ENTHD1: variants seen among roughly 807,000 people sequenced by gnomAD.
ENTHD1 encodes the protein ENTH domain containing 1.
A neutral mutation model predicts 39.1 loss-of-function variants in ENTHD1; 23 were observed. The observed-to-expected ratio is 0.59, with a 90% CI of 0.42 to 0.83. The LOEUF (loss-of-function observed/expected upper bound fraction) is 0.83, where lower values mean the gene tolerates loss of function less well. Ranked by LOEUF, ENTHD1 falls within the 40% of genes least tolerant of loss-of-function variation. ENTHD1 has a pLI of 0.00. For missense variants in ENTHD1, 624 were observed against 705.4 expected (o/e 0.88, Z 1.31); for synonymous variants, 230 against 258.2 (o/e 0.89, Z 1.05).
chr22:39,784,119 C>T lies in ENTHD1; in HGVS notation c.833-18510G>A, dbSNP rs544333839. The stretch of plus-strand genomic sequence containing the variant: ...AACATTTCTCAAAAGAAGACAGACA[C>T]ATGGCCAACAGGTATATGAAAAAAA... On this transcript the variant is annotated intron_variant, in intron 5 of 6. Transcript: ENST00000325157. 2.6e-4 allele frequency among the ~76,000 whole-genome samples: 40 copies of T among 151,468 alleles called. 1 individual carries two copies. Among genetic ancestry groups the T allele is most frequent in the Middle Eastern group, 6.8e-3 (2 of 294 alleles).
chr22:39,788,458 A>G (rs1299731100), intron 5 of ENTHD1, among the ~76,000 whole-genome samples: 3 of 152,222 alleles, frequency 2.0e-5, no homozygotes, highest in African/African-American at 7.2e-5. Context: ...CTCATGATCA[A>G]ACTTGAACGA....
chr22:39,855,589 TAAA>T (rs111260316), intron 3 of ENTHD1, among the ~76,000 whole-genome samples: 1 of 136,396 alleles, frequency 7.3e-6, no homozygotes, highest in Middle Eastern at 3.8e-3. Flanking sequence ...TGTGACTTGT[TAAA>T]AAAAAAAAAA....
At chr22:39,888,612 G>A (rs140793377) in intron 1 of ENTHD1, among the ~76,000 whole-genome samples, 1 of 152,120 alleles carries the variant, frequency 6.6e-6, no homozygotes, top group Non-Finnish European at 1.5e-5. Context: ...ATTTTTAGTA[G>A]AGACGGGGTT....
intron 4 of ENTHD1, among the ~76,000 whole-genome samples, chr22:39,824,201 CTTTTTTTTTTTTTTTT>C (rs71197195): frequency 1.4e-5 from 1 of 71,414 alleles, no homozygotes; most frequent in African/African-American, 5.5e-5. Context: ...TTGTCCAGTT[CTTTTTTTTTTTTTTTT>C]TTTTTTTTTT....
At chr22:39,764,584 T>C (rs1180724256) in intron 6 of ENTHD1, among the ~76,000 whole-genome samples, 1 of 152,044 alleles carries the variant, frequency 6.6e-6, no homozygotes, top group East Asian at 1.9e-4. Context: ...ATTATTATTT[T>C]ACTAGTAAAC....
At chr22:39,849,083 C>T (rs1359061445) in intron 3 of ENTHD1, among the ~76,000 whole-genome samples, 2 of 152,088 alleles carry the variant, frequency 1.3e-5, no homozygotes, top group Non-Finnish European at 2.9e-5. Flanking sequence ...TGCATCCATA[C>T]CACAGTGTCA....
At chr22:39,875,411 C>T in intron 2 of ENTHD1, 2 of 1,479,436 alleles carry the variant, frequency 1.4e-6, no homozygotes, top group Non-Finnish European at 1.8e-6. Context: ...CCCGGAGCAG[C>T]CTGTGTTGGA....
intron 5 of ENTHD1, among the ~76,000 whole-genome samples, chr22:39,777,076 C>T (rs941054257): frequency 3.3e-5 from 5 of 152,118 alleles, no homozygotes; most frequent in African/African-American, 1.2e-4. Context: ...CAAAATATGT[C>T]TTTCTGTAGT....
intron 6 of ENTHD1, chr22:39,750,191 C>G (rs993566027): frequency 9.7e-6 from 2 of 206,928 alleles, no homozygotes; most frequent in African/African-American, 4.7e-5. Context: ...TATGGATCAA[C>G]TAGGAATACT....
chr22:39,757,041 T>C (rs987814552), intron 6 of ENTHD1, among the ~76,000 whole-genome samples: 2 of 151,106 alleles, frequency 1.3e-5, no homozygotes, highest in Admixed American at 6.6e-5. Flanking sequence ...CTTCTGGGAC[T>C]GCATTGAATC....
At chr22:39,774,025 A>G (rs1199554803) in intron 5 of ENTHD1, among the ~76,000 whole-genome samples, 1 of 152,240 alleles carries the variant, frequency 6.6e-6, no homozygotes, top group Non-Finnish European at 1.5e-5. Flanking sequence ...ACGAGTGCAC[A>G]GTGCACACAG....
chr22:39,743,781 AT>A lies in ENTHD1; in HGVS notation c.1721del (p.Asn574MetfsTer7). 1 of 1,614,198 alleles carries A rather than the reference AT, an allele frequency of 6.2e-7. No individual in the cohort carries two copies. Among genetic ancestry groups the A allele is most frequent in the African/African-American group, 1.3e-5 (1 of 75,064 alleles). On this transcript the variant is annotated frameshift_variant, in exon 7 of 7. Transcript: ENST00000325157. LOFTEE classifies it low-confidence loss of function (END_TRUNC). ...TGCTCATCAAGATGTTATTGATGAC[AT>A]TAAGTTCTTGGATCACTGTGCTCAG... is the stretch of plus-strand genomic sequence containing the variant. ...EDLSTVIQEL[N>X]VINNILMSMS...
chr22:39,877,065 T>C (rs1248047900), intron 2 of ENTHD1, among the ~76,000 whole-genome samples: 1 of 152,200 alleles, frequency 6.6e-6, no homozygotes, highest in Non-Finnish European at 1.5e-5. Flanking sequence ...GTTAACGAGA[T>C]TCAGGACGAT....
chr22:39,772,617 A>G (rs551497859), intron 5 of ENTHD1, among the ~76,000 whole-genome samples: 11 of 152,344 alleles, frequency 7.2e-5, no homozygotes, highest in Middle Eastern at 6.8e-3. Context: ...ACAAGGAGAA[A>G]GTAATAGAAA....
rs2066388579 is a variant in ENTHD1, at chr22:39,887,477, T to C, written c.272A>G (p.Gln91Arg). 1 of 1,614,216 alleles carries C rather than the reference T, an allele frequency of 6.2e-7. No individual in the cohort carries two copies. The highest frequency in any genetic ancestry group is 2.2e-5 in the East Asian group (1 of 44,888). ...LIKNGSKKVI[Q>R]HCREGFCNLQ... ...GTTACAGAACCCCTCTCTGCAATGCTGAATAACTTTCTTTGATCCATTCTT... is the reference window on the plus strand; with the variant it reads ...GTTACAGAACCCCTCTCTGCAATGCCGAATAACTTTCTTTGATCCATTCTT... Residue 91 changes from glutamine to arginine, a missense_variant, in exon 2 of 7, where the codon CAG becomes CGG. By Grantham distance (43) the Gln-to-Arg change is conservative (BLOSUM62 1). Transcript: ENST00000325157.
intron 5 of ENTHD1, among the ~76,000 whole-genome samples, chr22:39,802,697 C>A (rs1236980065): frequency 6.6e-6 from 1 of 152,132 alleles, no homozygotes; most frequent in Non-Finnish European, 1.5e-5. Context: ...GCAAGGAGAG[C>A]CTTTGCTTCT....
At chr22:39,767,617 T>G (rs73888166) in intron 5 of ENTHD1, among the ~76,000 whole-genome samples, 2 of 152,222 alleles carry the variant, frequency 1.3e-5, no homozygotes, top group East Asian at 3.8e-4. Flanking sequence ...TATTTTTCCA[T>G]TGACTTTCAT....
chr22:39,842,102 A>T (rs976185044), intron 3 of ENTHD1, among the ~76,000 whole-genome samples: 32 of 151,576 alleles, frequency 2.1e-4, no homozygotes, highest in Non-Finnish European at 3.5e-4. Context: ...CTGCCGAGAG[A>T]TCTGCTGTTA....
intron 4 of ENTHD1, among the ~76,000 whole-genome samples, chr22:39,830,523 A>G (rs183616751): frequency 6.6e-6 from 1 of 152,218 alleles, no homozygotes; most frequent in Non-Finnish European, 1.5e-5. Context: ...AACAGAAAGT[A>G]AAAAATAATA....
Sources: allele counts gnomAD v4.1 joint callset (sites outside exome capture counted in the v4.1 genomes callset), GRCh38; gene constraint gnomAD v4.1.1; transcripts MANE v1.5; gene names NCBI Gene and HGNC (gene_info 2026-07-23, HGNC 2026-07-21).